The following PTPRD variants were observed in gnomAD, a reference collection of about 807,000 sequenced individuals.
PTPRD encodes the protein protein tyrosine phosphatase receptor type D.
PTPRD carries 34 observed loss-of-function variants against 214.5 expected under a neutral mutation model. The ratio of observed to expected loss-of-function variants is 0.16; its 90% CI spans 0.12 to 0.21. The LOEUF (loss-of-function observed/expected upper bound fraction) is 0.21. Among genes scored for constraint, PTPRD ranks in the 10% least tolerant of loss-of-function variants. The pLI is 1.00. For synonymous variants in PTPRD, 1,128 were observed against 845.7 expected, an observed-to-expected ratio of 1.33 and a Z score of -5.79; for missense variants, 2,545 against 2,398.7, an observed-to-expected ratio of 1.06 and a Z score of -1.27.
At chr9:9,037,367 G>T (rs2099625257) in intron 10 of PTPRD, among the ~76,000 whole-genome samples, 1 of 152,096 alleles carries the variant, frequency 6.6e-6, no homozygotes, top group African/African-American at 2.4e-5. Flanking sequence ...ATGAACAAAG[G>T]ATATAGAGAC....
chr9:9,304,937 C>G (rs1956652595), intron 9 of PTPRD, among the ~76,000 whole-genome samples: 1 of 147,254 alleles, frequency 6.8e-6, no homozygotes, highest in African/African-American at 2.5e-5. Flanking sequence ...GTGGGTTAGT[C>G]ACTTGGCTGC....
chr9:10,391,594 T>C (rs2098066660), intron 2 of PTPRD, among the ~76,000 whole-genome samples: 1 of 151,758 alleles, frequency 6.6e-6, no homozygotes, highest in South Asian at 2.1e-4. Flanking sequence ...CTTTAAAATA[T>C]ACCCTGAGTA....
chr9:9,211,121 G>A (rs1366363480), intron 9 of PTPRD, among the ~76,000 whole-genome samples: 3 of 151,618 alleles, frequency 2.0e-5, no homozygotes, highest in Non-Finnish European at 1.5e-5. Context: ...GTACATTCTG[G>A]CATTTTTTTC....
intron 2 of PTPRD, among the ~76,000 whole-genome samples, chr9:10,604,135 G>GA (rs944171402): frequency 4.0e-5 from 6 of 151,402 alleles, no homozygotes; most frequent in East Asian, 2.0e-4. Flanking sequence ...AGTAATGGAG[G>GA]AAAGAAAAGC....
intron 8 of PTPRD, among the ~76,000 whole-genome samples, chr9:9,562,523 C>G (rs1408483176): frequency 6.6e-6 from 1 of 152,148 alleles, no homozygotes; most frequent in Non-Finnish European, 1.5e-5. Context: ...ACCTGACCTG[C>G]CTTCAACCCC....
intron 2 of PTPRD, among the ~76,000 whole-genome samples, chr9:10,393,016 G>A (rs2098100249): frequency 6.6e-6 from 1 of 151,742 alleles, no homozygotes; most frequent in Non-Finnish European, 1.5e-5. Flanking sequence ...ACTTTCCATT[G>A]TGAGCCATAT....
chr9:10,169,397 C>T (rs902433616), intron 3 of PTPRD, among the ~76,000 whole-genome samples: 2 of 147,366 alleles, frequency 1.4e-5, no homozygotes, highest in Admixed American at 6.9e-5. Flanking sequence ...TGGCGTGAAC[C>T]CCGGAGGCGG....
chr9:8,478,189 A>G (rs2096804254), intron 30 of PTPRD, among the ~76,000 whole-genome samples: 2 of 152,214 alleles, frequency 1.3e-5, no homozygotes, highest in African/African-American at 4.8e-5. Context: ...GTCTTAAATG[A>G]AACCTAATAT....
chr9:8,671,385 T>C (rs1167290056), intron 12 of PTPRD, among the ~76,000 whole-genome samples: 4 of 152,166 alleles, frequency 2.6e-5, no homozygotes, highest in African/African-American at 9.6e-5. Context: ...GTAACAATGG[T>C]AGGAAATATG....
intron 9 of PTPRD, among the ~76,000 whole-genome samples, chr9:9,228,135 T>G (rs1398267126): frequency 6.6e-6 from 1 of 152,112 alleles, no homozygotes; most frequent in African/African-American, 2.4e-5. Context: ...TACATATATA[T>G]GCCTGTATTT....
At chr9:9,112,746 G>C (rs762610068) in intron 10 of PTPRD, among the ~76,000 whole-genome samples, 1 of 152,114 alleles carries the variant, frequency 6.6e-6, no homozygotes, top group Non-Finnish European at 1.5e-5. Context: ...ACAAAATTGT[G>C]AGAGAAATTA....
chr9:9,961,394 A>G (rs1258140527), intron 4 of PTPRD, among the ~76,000 whole-genome samples: 4 of 152,184 alleles, frequency 2.6e-5, no homozygotes, highest in Admixed American at 2.6e-4. Context: ...TGAAATTGAG[A>G]ACAAACAAGA....
chr9:9,125,851 G>T (rs561339234), intron 10 of PTPRD, among the ~76,000 whole-genome samples: 4 of 152,286 alleles, frequency 2.6e-5, no homozygotes, highest in African/African-American at 9.6e-5. Context: ...ATGGGGTAAA[G>T]TTGTTTTAGG....
At chr9:9,751,295 A>C (rs950154857) in intron 6 of PTPRD, among the ~76,000 whole-genome samples, 1 of 152,128 alleles carries the variant, frequency 6.6e-6, no homozygotes, top group Non-Finnish European at 1.5e-5. Flanking sequence ...ATCACTGCTC[A>C]AAGCTTGGAG....
intron 11 of PTPRD, among the ~76,000 whole-genome samples, chr9:8,924,468 T>C (rs1459834155): frequency 6.6e-6 from 1 of 152,126 alleles, no homozygotes; most frequent in East Asian, 1.9e-4. Context: ...TTGCATCAAT[T>C]TGCGGAATTT....
chr9:8,799,386 C>G (rs558329788), intron 11 of PTPRD, among the ~76,000 whole-genome samples: 50 of 152,330 alleles, frequency 3.3e-4, no homozygotes, highest in Admixed American at 2.8e-3. Flanking sequence ...AGGGTGACCC[C>G]TGAAGTTCTT....
chr9:10,352,183 T>C (rs1323490), intron 2 of PTPRD, among the ~76,000 whole-genome samples: 31,783 of 151,878 alleles, frequency 0.21, 3,377 homozygotes, highest in South Asian at 0.27. Context: ...TTGAGTTTTC[T>C]TCACTGGATT....
chr9:9,509,664 G>A (rs113907808), intron 8 of PTPRD, among the ~76,000 whole-genome samples: 1 of 151,542 alleles, frequency 6.6e-6, no homozygotes, highest in Non-Finnish European at 1.5e-5. Context: ...TACAGCATGA[G>A]AATAAAGCCG....
At chr9:9,468,363 T>A (rs955287196) in intron 8 of PTPRD, among the ~76,000 whole-genome samples, 3 of 152,146 alleles carry the variant, frequency 2.0e-5, no homozygotes, top group African/African-American at 7.2e-5. Flanking sequence ...TAATCTTTAC[T>A]AAGATATCTA....
Sources: gnomAD v4.1 joint callset for allele counts (sites outside exome capture counted in the v4.1 genomes callset) on GRCh38, gnomAD v4.1.1 for gene constraint, MANE v1.5 for transcripts, NCBI Gene and HGNC (gene_info 2026-07-23, HGNC 2026-07-21) for gene names.